The following CBL variants were observed in gnomAD, a reference collection of about 807,000 sequenced individuals.
The protein encoded by CBL is Cbl proto-oncogene, also known as E3 ubiquitin-protein ligase CBL.
Under a neutral mutation model 96.9 loss-of-function variants are expected in CBL, and 45 were observed. The observed-to-expected ratio is 0.46, with a 90% CI of 0.37 to 0.60. CBL has a LOEUF of 0.60. Among genes scored for constraint, CBL ranks in the 20% least tolerant of loss-of-function variants. CBL has a pLI of 0.00. For synonymous variants in CBL, 420 were observed against 426.8 expected, an observed-to-expected ratio of 0.98 and a Z score of 0.20; for missense variants, 1,024 against 1,143.5, an observed-to-expected ratio of 0.90 and a Z score of 1.51.
intron 1 of CBL, among the ~76,000 whole-genome samples, chr11:119,231,419 A>T (rs1949500871): frequency 6.6e-6 from 1 of 151,410 alleles, no homozygotes; most frequent in Non-Finnish European, 1.5e-5. Context: ...AAAACAAAAA[A>T]CAAACAAAGG....
chr11:119,228,850 C>T (rs1949479794), intron 1 of CBL, among the ~76,000 whole-genome samples: 1 of 150,256 alleles, frequency 6.7e-6, no homozygotes, highest in Non-Finnish European at 1.5e-5. Flanking sequence ...CGCTCTTGTC[C>T]CCCAGGCTGG....
chr11:119,208,565 A>G (rs1949292621), intron 1 of CBL, among the ~76,000 whole-genome samples: 2 of 151,676 alleles, frequency 1.3e-5, no homozygotes, highest in Admixed American at 1.3e-4. Context: ...AATTTTTTGT[A>G]TTTTTAGTAG....
Position 119,210,603 on chromosome 11 carries a change from ATTTTTTTTTTT to A in CBL, c.195+4006_195+4016del, listed in dbSNP as rs768564444. On this transcript the variant is annotated intron_variant, in intron 1 of 15. Coordinates refer to ENST00000264033, the MANE Select transcript of CBL (RefSeq NM_005188.4). Reference sequence around the variant, plus strand: ...GCCACCACACCTGGCTAATTTTTCAATTTTTTTTTTTTTTTTTTTTTTTTTACTAGAGACGG... The same window carrying A: ...GCCACCACACCTGGCTAATTTTTCAATTTTTTTTTTTTTTACTAGAGACGG... Among the ~76,000 whole-genome samples the A allele has an allele frequency of 4.5e-4, 44 of 98,654 alleles. 1 individual carries two copies. Among genetic ancestry groups the A allele is most frequent in the South Asian group, 8.1e-4 (2 of 2,458 alleles). The allele number at this position is 98,654 out of a possible 152,430, so 64.7% of individuals were successfully genotyped here.
chr11:119,214,569 A>G (rs950178773), intron 1 of CBL, among the ~76,000 whole-genome samples: 1 of 152,206 alleles, frequency 6.6e-6, no homozygotes, highest in East Asian at 1.9e-4. Context: ...CTCTTGAATG[A>G]TACTAAGATA....
At position 119,303,091 on chromosome 11, in the gene CBL, C is replaced by G. The variant is rs1298800332; in HGVS notation, c.*3310C>G. The G allele has an allele frequency of 4.3e-6, 1 of 231,588 alleles. No individual in the cohort carries two copies. The highest frequency in any genetic ancestry group is 8.6e-6 in the Non-Finnish European group (1 of 116,838). The allele number at this position is 231,588 out of a possible 1,614,324, so 14.3% of individuals were successfully genotyped here. A position where few individuals can be genotyped will look rare whatever the true frequency, so the allele number is the denominator to read the frequency against. ...TAGAAAAGTAAAATGTGTTTATGGT[C>G]CCAAACAGTCAACTCACAAATTTTT... On this transcript the variant is annotated 3_prime_UTR_variant, in exon 16 of 16. Transcript: ENST00000264033.
intron 2 of CBL, among the ~76,000 whole-genome samples, chr11:119,257,766 G>A (rs1358020965): frequency 6.6e-6 from 1 of 152,052 alleles, no homozygotes; most frequent in Non-Finnish European, 1.5e-5. Context: ...TTCTACATGT[G>A]GCTATGCAGT....
At chr11:119,246,214 C>G (rs1036023900) in intron 2 of CBL, among the ~76,000 whole-genome samples, 2 of 151,906 alleles carry the variant, frequency 1.3e-5, no homozygotes, top group Non-Finnish European at 1.5e-5. Flanking sequence ...ACCTCGTGAT[C>G]CGCCTGCCTC....
intron 3 of CBL, among the ~76,000 whole-genome samples, chr11:119,272,381 A>G (rs948270830): frequency 2.0e-5 from 3 of 152,170 alleles, no homozygotes; most frequent in Admixed American, 1.3e-4. Flanking sequence ...CGGCATCCCA[A>G]AGTGCTGGGA....
rs758061092 is a variant in CBL, at chr11:119,278,149, AT to A, written c.1096-9del. On this transcript the variant is annotated splice_polypyrimidine_tract_variant and intron_variant, in intron 7 of 15. Coordinates refer to ENST00000264033, the MANE Select transcript of CBL (RefSeq NM_005188.4). ...TATTTATTCAACTAATAGTCTTTTA[AT>A]TTTTTTTAATCAAAGGAACAATATG... 81 of 1,564,968 alleles carry A rather than the reference AT, an allele frequency of 5.2e-5. No individual in the cohort carries two copies. Among genetic ancestry groups the A allele is most frequent in the African/African-American group, 1.6e-4 (12 of 73,740 alleles).
At position 119,301,187 on chromosome 11, in the gene CBL, T is replaced by G. The variant is rs564352596; in HGVS notation, c.*1406T>G. 4.3e-6 allele frequency: 1 copy of G among 233,214 alleles called. No homozygotes were observed. Among genetic ancestry groups the G allele is most frequent in the African/African-American group, 2.2e-5 (1 of 45,462 alleles). 14.4% of individuals were successfully genotyped at this position (233,214 alleles called of 1,614,324 possible). A position where few individuals can be genotyped will look rare whatever the true frequency, so the allele number is the denominator to read the frequency against. On this transcript the variant is annotated 3_prime_UTR_variant, in exon 16 of 16. Transcript: ENST00000264033. ...TCTTCACCTGAGGTCCTAAATACTC[T>G]CTGTAATTACTGTGTTCTTCACGGT...
In CBL at chr11:119,277,658, C is replaced by G. The variant is rs1949899950; in HGVS notation, c.1008-99C>G. 4 of 778,070 alleles carry G rather than the reference C, an allele frequency of 5.1e-6. No homozygotes were observed. The Admixed American group carries it at 7.4e-5, about 14-fold the overall frequency. 48.2% of individuals were successfully genotyped at this position (778,070 alleles called of 1,614,324 possible). On this transcript the variant is annotated intron_variant, in intron 6 of 15. Transcript: ENST00000264033. ...TGATCTTTATACTTACACCACGTTG[C>G]CCTTTTAGAATGGAGAAACTCCCAG...
intron 2 of CBL, among the ~76,000 whole-genome samples, chr11:119,269,653 G>T (rs1949828376): frequency 6.6e-6 from 1 of 152,146 alleles, no homozygotes; most frequent in South Asian, 2.1e-4. Context: ...GTTCCTAATA[G>T]AGGATTGTTA....
At chr11:119,236,497 T>G (rs1248986838) in intron 2 of CBL, among the ~76,000 whole-genome samples, 1 of 151,924 alleles carries the variant, frequency 6.6e-6, no homozygotes, top group Non-Finnish European at 1.5e-5. Flanking sequence ...TTTCTACTTT[T>G]TGGCTACTAC....
chr11:119,278,788 T>C, intron 9 of CBL, 75 bp downstream of exon 9: 2 of 1,075,382 alleles, frequency 1.9e-6, no homozygotes, highest in Non-Finnish European at 2.9e-6. Context: ...CTTAACGATA[T>C]CCAAACTACA....
At chr11:119,298,737 A>T (rs561162120) in intron 15 of CBL, among the ~76,000 whole-genome samples, 197 bp downstream of exon 15, 89 of 152,364 alleles carry the variant, frequency 5.8e-4, no homozygotes, top group African/African-American at 2.1e-3. Flanking sequence ...CTTAGAAAAG[A>T]GGTCATTCCT....
chr11:119,296,333 G>A (rs1185708717), intron 12 of CBL, among the ~76,000 whole-genome samples: 1 of 152,160 alleles, frequency 6.6e-6, no homozygotes, highest in Non-Finnish European at 1.5e-5. Context: ...TGCGGTGGCA[G>A]AAGTCTTGTT....
chr11:119,225,344 G>A (rs768595447), intron 1 of CBL, among the ~76,000 whole-genome samples: 2 of 151,966 alleles, frequency 1.3e-5, no homozygotes, highest in East Asian at 3.9e-4. Flanking sequence ...TGATTCTCCC[G>A]CCTTGGCCTC....
In CBL at chr11:119,303,690, G is replaced by C. The variant is rs1387209816; in HGVS notation, c.*3909G>C. On this transcript the variant is annotated 3_prime_UTR_variant, in exon 16 of 16. Transcript: ENST00000264033. ...GGTGTAAGTGTCATGGATACCGACT[G>C]TTTTTATGTTGGAATTTGTTCCAAC... is the stretch of plus-strand genomic sequence containing the variant. 13 of 233,684 alleles carry C rather than the reference G, an allele frequency of 5.6e-5. No individual in the cohort carries two copies. Among genetic ancestry groups the C allele is most frequent in the African/African-American group, 2.9e-4 (13 of 45,442 alleles). The allele number at this position is 233,684 out of a possible 1,614,324, so 14.5% of individuals were successfully genotyped here.
rs202065722 is a variant in CBL at position 119,285,273 on chromosome 11, C to T, written c.1648C>T (p.Arg550Trp). ...TCTTCCACCACCACCGCCTCCAGACCGGCCATATTCTGTTGGAGCAGAATC... is the reference window on the plus strand; with the variant it reads ...TCTTCCACCACCACCGCCTCCAGACTGGCCATATTCTGTTGGAGCAGAATC... ...RDLPPPPPPD[R>W]PYSVGAESRP... The change falls in exon 11 of 16, where the codon CGG (arginine) becomes TGG (tryptophan). Residue 550 changes from arginine to tryptophan, a missense_variant. By Grantham distance (101) the Arg-to-Trp change is moderately radical. Coordinates refer to ENST00000264033, the MANE Select transcript of CBL (RefSeq NM_005188.4). The T allele has an allele frequency of 3.2e-5, 51 of 1,614,034 alleles. No individual in the cohort carries two copies. The highest frequency in any genetic ancestry group is 5.0e-5 in the Admixed American group (3 of 60,002).
Sources: gnomAD v4.1 joint callset for allele counts (sites outside exome capture counted in the v4.1 genomes callset) on GRCh38, gnomAD v4.1.1 for gene constraint, MANE v1.5 for transcripts, NCBI Gene and HGNC (gene_info 2026-07-23, HGNC 2026-07-21) for gene names.